Variants in OR51B5 observed in about 807,000 individuals in gnomAD.
The protein encoded by OR51B5 is olfactory receptor family 51 subfamily B member 5.
For synonymous variants in OR51B5, 186 were observed against 144.8 expected (o/e 1.28, Z -2.04); for missense variants, 456 against 374.6 (o/e 1.22, Z -1.79).
At chr11:5,345,591 T>C (rs970032154), upstream of OR51B5, among the ~76,000 whole-genome samples, 2 of 152,204 alleles carry the variant, frequency 1.3e-5, no homozygotes, top group African/African-American at 4.8e-5. Context: ...TTAGTAAATA[T>C]AGCTGAATTA....
intron 1 of OR51B5, among the ~76,000 whole-genome samples, chr11:5,474,917 GAGA>G: frequency 6.6e-6 from 1 of 152,164 alleles, no homozygotes; most frequent in South Asian, 2.1e-4. Context: ...CACTTTAATG[GAGA>G]AGAACTAAAA....
chr11:5,421,460 A>C (rs1054310364), intron 1 of OR51B5, among the ~76,000 whole-genome samples: 1 of 152,228 alleles, frequency 6.6e-6, no homozygotes. Flanking sequence ...GCAGTGCCTA[A>C]ATGTAGATAG....
intron 1 of OR51B5, among the ~76,000 whole-genome samples, chr11:5,459,876 C>T (rs1023907499): frequency 6.6e-6 from 1 of 152,176 alleles, no homozygotes; most frequent in African/African-American, 2.4e-5. Flanking sequence ...AATCCTACTA[C>T]TGGGTATATA....
chr11:5,438,975 T>C (rs1262252425), intron 1 of OR51B5, among the ~76,000 whole-genome samples: 1 of 152,164 alleles, frequency 6.6e-6, no homozygotes, highest in African/African-American at 2.4e-5. Flanking sequence ...AGTTAATAGA[T>C]TTGCAGAAAA....
chr11:5,422,162 T>G, intron 1 of OR51B5: 2 of 1,418,460 alleles, frequency 1.4e-6, no homozygotes, highest in Non-Finnish European at 1.9e-6. Context: ...TTTTTCTCCC[T>G]GAGTGAAGAT....
chr11:5,372,117 A>G (rs1849457072), intron 1 of OR51B5, among the ~76,000 whole-genome samples: 1 of 152,184 alleles, frequency 6.6e-6, no homozygotes, highest in African/African-American at 2.4e-5. Context: ...TATGACATAT[A>G]TCACAATATC....
chr11:5,351,428 A>G (rs4910553), intron 1 of OR51B5: 265,682 of 1,104,196 alleles, frequency 0.24, 33,242 homozygotes, highest in African/African-American at 0.31. Context: ...AACAGGTAGA[A>G]TTCTCAAGGA....
intron 1 of OR51B5, chr11:5,423,290 G>A: frequency 2.5e-6 from 3 of 1,187,024 alleles, no homozygotes; most frequent in Non-Finnish European, 3.4e-6. Flanking sequence ...CTTTTAGCAT[G>A]GAATTTTTGG....
intron 1 of OR51B5, chr11:5,489,274 C>T (rs527339979): frequency 1.7e-5 from 28 of 1,613,900 alleles, no homozygotes; most frequent in Non-Finnish European, 2.4e-5. Flanking sequence ...CATTGCCCGA[C>T]TGGCCTGTGC....
intron 1 of OR51B5, among the ~76,000 whole-genome samples, chr11:5,436,511 G>A (rs1413547183): frequency 2.6e-5 from 4 of 152,194 alleles, no homozygotes; most frequent in East Asian, 1.9e-4. Flanking sequence ...ACAGAACAGA[G>A]GCAAGTTCTC....
At chr11:5,411,149 A>T (rs1265017747) in intron 1 of OR51B5, among the ~76,000 whole-genome samples, 1 of 152,246 alleles carries the variant, frequency 6.6e-6, no homozygotes, top group African/African-American at 2.4e-5. Context: ...ATTCACTCAG[A>T]GCAACTTTCA....
At chr11:5,421,863 A>C (rs1459405511) in intron 1 of OR51B5, among the ~76,000 whole-genome samples, 2 of 152,224 alleles carry the variant, frequency 1.3e-5, no homozygotes, top group African/African-American at 2.4e-5. Context: ...TTGTGAGAAC[A>C]GTATTGATAG....
At chr11:5,470,637 T>G (rs1851215053) in intron 1 of OR51B5, among the ~76,000 whole-genome samples, 1 of 152,218 alleles carries the variant, frequency 6.6e-6, no homozygotes, top group South Asian at 2.1e-4. Context: ...ATTATCATGT[T>G]TTATCCTCTT....
upstream of OR51B5, among the ~76,000 whole-genome samples, chr11:5,346,637 T>C (rs1478580033): frequency 6.6e-6 from 1 of 152,188 alleles, no homozygotes; most frequent in East Asian, 1.9e-4. Flanking sequence ...AGGTCTTAGG[T>C]AGTTGGTTGG....
chr11:5,378,286 C>T (rs1249717433), intron 1 of OR51B5, among the ~76,000 whole-genome samples: 3 of 152,032 alleles, frequency 2.0e-5, no homozygotes, highest in East Asian at 3.8e-4. Flanking sequence ...GGATCCCTTC[C>T]TTACACCTTA....
Position 5,436,712 on chromosome 11 carries a change from T to C in OR51B5, n.84+68857A>G, listed in dbSNP as rs796080473. Among the ~76,000 whole-genome samples, 8 of 152,316 alleles carry C rather than the reference T, an allele frequency of 5.3e-5. No individual in the cohort carries two copies. The South Asian group carries it at 6.2e-4, about 12-fold the overall frequency. ...CTATGCAAACATACACAGGCATTGA[T>C]AGAGATTCACTCAAAGATACAGAGG... is the stretch of plus-strand genomic sequence containing the variant. On this transcript the variant is annotated intron_variant and non_coding_transcript_variant, in intron 1 of 4. Coordinates refer to the OR51B5 transcript ENST00000415970.
At chr11:5,453,817 T>A (rs866881883) in intron 1 of OR51B5, 1 of 1,614,242 alleles carries the variant, frequency 6.2e-7, no homozygotes. Flanking sequence ...TTCTCCATGA[T>A]GGAATCAGGT....
At chr11:5,408,001 T>G (rs1850085148) in intron 1 of OR51B5, among the ~76,000 whole-genome samples, 1 of 152,132 alleles carries the variant, frequency 6.6e-6, no homozygotes, top group Admixed American at 6.5e-5. Context: ...TTTCAATAAT[T>G]CTGGCTTCCC....
At chr11:5,430,932 A>G (rs201376969) in intron 1 of OR51B5, 17 of 456,940 alleles carry the variant, frequency 3.7e-5, no homozygotes. Flanking sequence ...TCACTGTATA[A>G]AGAATCAAGA....
Sources: allele counts gnomAD v4.1 joint callset (sites outside exome capture counted in the v4.1 genomes callset), GRCh38; gene constraint gnomAD v4.1.1; transcripts MANE v1.5; gene names NCBI Gene and HGNC (gene_info 2026-07-23, HGNC 2026-07-21).